Variants in NRG1 observed in about 807,000 individuals in gnomAD.
NRG1 encodes the protein pro-neuregulin-1, membrane-bound isoform.
NRG1 carries 18 observed loss-of-function variants against 63.8 expected under a neutral mutation model. The observed-to-expected ratio is 0.28, with a 90% CI of 0.19 to 0.42. The LOEUF (loss-of-function observed/expected upper bound fraction) is 0.42. Among genes scored for constraint, NRG1 ranks in the 10% least tolerant of loss-of-function variants. The probability of loss-of-function intolerance (pLI) is 1.00; values close to 1 mark genes in which losing one functional copy is unlikely to be tolerated. For synonymous variants in NRG1, 302 were observed against 301.3 expected (o/e 1.00, Z -0.02); for missense variants, 762 against 814.7 (o/e 0.94, Z 0.79).
At chr8:32,548,613 G>A in exon 1 of NRG1, 2 of 1,390,042 alleles carry the variant, frequency 1.4e-6, no homozygotes, top group Non-Finnish European at 1.9e-6. Flanking sequence ...GCCTCAGCGC[G>A]GCCGCTCGCT....
chr8:32,407,313 TA>T (rs1814201234), intron 1 of NRG1, among the ~76,000 whole-genome samples: 2 of 3,024 alleles, frequency 6.6e-4, no homozygotes, highest in African/African-American at 1.5e-3. Flanking sequence ...TATATATATA[TA>T]TATATTATAT....
At chr8:32,595,647 G>A (rs188016424) in intron 1 of NRG1, among the ~76,000 whole-genome samples, 181 bp from the exon 2 acceptor site, 1 of 151,970 alleles carries the variant, frequency 6.6e-6, no homozygotes, top group East Asian at 1.9e-4. Flanking sequence ...ATTTTATTTG[G>A]GCATTTTATT....
At chr8:32,426,973 A>G (rs1486677594) in intron 1 of NRG1, among the ~76,000 whole-genome samples, 1 of 151,634 alleles carries the variant, frequency 6.6e-6, no homozygotes, top group Non-Finnish European at 1.5e-5. Flanking sequence ...TCAGGTCATT[A>G]TTTATCCACT....
chr8:32,304,601 AT>A (rs2129475442), intron 1 of NRG1, among the ~76,000 whole-genome samples: 1 of 151,484 alleles, frequency 6.6e-6, no homozygotes, highest in East Asian at 1.9e-4. Flanking sequence ...AGTAAAAAAA[AT>A]ATAAAATATT....
intron 5 of NRG1, among the ~76,000 whole-genome samples, chr8:32,658,204 C>T (rs1005497435): frequency 1.3e-5 from 2 of 152,134 alleles, no homozygotes; most frequent in Non-Finnish European, 2.9e-5. Context: ...TCAGTGGGAT[C>T]AATACAAGGA....
At chr8:31,918,291 G>A (rs183437152) in intron 1 of NRG1, among the ~76,000 whole-genome samples, 30,465 of 152,096 alleles carry the variant, frequency 0.2, 3,429 homozygotes, top group Non-Finnish European at 0.24. Flanking sequence ...GTTTTCAAAG[G>A]GAATGCTTCC....
intron 1 of NRG1, among the ~76,000 whole-genome samples, chr8:32,089,558 G>A (rs756142467): frequency 1.7e-4 from 26 of 151,912 alleles, no homozygotes; most frequent in Non-Finnish European, 2.2e-4. Context: ...CAGTCATCTT[G>A]TATAACTTTG....
intron 1 of NRG1, among the ~76,000 whole-genome samples, chr8:32,285,543 T>C (rs1333280988): frequency 6.6e-6 from 1 of 152,212 alleles, no homozygotes; most frequent in African/African-American, 2.4e-5. Flanking sequence ...ACTCTCAGTC[T>C]AGTGCTCCTT....
At chr8:32,417,268 C>T (rs1382351596) in intron 1 of NRG1, among the ~76,000 whole-genome samples, 1 of 152,090 alleles carries the variant, frequency 6.6e-6, no homozygotes, top group Non-Finnish European at 1.5e-5. Flanking sequence ...ATTATTTAGT[C>T]ACCCTTGGGT....
chr8:31,916,670 T>C (rs546762784), intron 1 of NRG1, among the ~76,000 whole-genome samples: 1,839 of 152,278 alleles, frequency 0.012, 42 homozygotes, highest in African/African-American at 0.042. Context: ...AACACATGTG[T>C]GCATGTGTCT....
At chr8:31,923,972 C>G (rs1449423844) in intron 1 of NRG1, among the ~76,000 whole-genome samples, 1 of 152,148 alleles carries the variant, frequency 6.6e-6, no homozygotes, top group Non-Finnish European at 1.5e-5. Context: ...TGAGAACATG[C>G]AGTATGTGTC....
chr8:31,732,663 G>T (rs2131360894), intron 1 of NRG1, among the ~76,000 whole-genome samples: 1 of 152,250 alleles, frequency 6.6e-6, no homozygotes, highest in South Asian at 2.1e-4. Flanking sequence ...AGTTGAGGCA[G>T]GTAGATTACT....
At chr8:32,725,674 C>T (rs906710212) in intron 5 of NRG1, among the ~76,000 whole-genome samples, 6 of 151,576 alleles carry the variant, frequency 4.0e-5, no homozygotes, top group African/African-American at 1.5e-4. Context: ...CGGGGTTTCA[C>T]CATGTTGGTC....
chr8:31,930,385 G>A (rs754110290), intron 1 of NRG1, among the ~76,000 whole-genome samples: 32 of 152,166 alleles, frequency 2.1e-4, no homozygotes, highest in Non-Finnish European at 4.7e-4. Flanking sequence ...ACAGTTTCTA[G>A]AACCTAGCAG....
At chr8:32,586,926 G>A (rs1424734523) in intron 1 of NRG1, among the ~76,000 whole-genome samples, 2 of 152,168 alleles carry the variant, frequency 1.3e-5, no homozygotes, top group African/African-American at 2.4e-5. Context: ...GGGCATAGGA[G>A]GTATGGTGGC....
intron 1 of NRG1, among the ~76,000 whole-genome samples, chr8:32,160,054 A>G (rs1482575022): frequency 2.6e-5 from 4 of 152,172 alleles, no homozygotes. Context: ...CTTCCCCTGC[A>G]AGGCACCTTG....
chr8:32,723,688 C>CAAAAAAAA (rs530225180), intron 5 of NRG1, among the ~76,000 whole-genome samples: 1 of 33,848 alleles, frequency 3.0e-5, no homozygotes, highest in Non-Finnish European at 4.7e-5. Flanking sequence ...GACTCCATCT[C>CAAAAAAAA]AAAAAAAAAA....
At chr8:32,417,933 AC>A (rs1173821969) in intron 1 of NRG1, among the ~76,000 whole-genome samples, 2 of 152,096 alleles carry the variant, frequency 1.3e-5, no homozygotes, top group Non-Finnish European at 2.9e-5. Flanking sequence ...TTTTTTATGC[AC>A]CTTTTCCAAA....
intron 1 of NRG1, among the ~76,000 whole-genome samples, chr8:32,539,683 T>C (rs1161915579): frequency 6.6e-6 from 1 of 152,116 alleles, no homozygotes; most frequent in Non-Finnish European, 1.5e-5. Context: ...ATTATCAACA[T>C]TTGAGGTAGT....
Sources: allele counts gnomAD v4.1 joint callset (sites outside exome capture counted in the v4.1 genomes callset), GRCh38; gene constraint gnomAD v4.1.1; transcripts MANE v1.5; gene names NCBI Gene and HGNC (gene_info 2026-07-23, HGNC 2026-07-21).